Variants in PCDHA3 observed in about 807,000 individuals in gnomAD.
PCDHA3 encodes the protein protocadherin alpha-3.
A neutral mutation model predicts 62.2 loss-of-function variants in PCDHA3; 41 were observed. The ratio of observed to expected loss-of-function variants is 0.66; its 90% CI spans 0.51 to 0.86. The LOEUF (loss-of-function observed/expected upper bound fraction) is 0.86, where lower values mean the gene tolerates loss of function less well. Ranked by LOEUF, PCDHA3 falls within the 40% of genes least tolerant of loss-of-function variation. PCDHA3 has a pLI of 0.00. For synonymous variants in PCDHA3, 640 were observed against 555.4 expected, an observed-to-expected ratio of 1.15 and a Z score of -2.14; for missense variants, 1,304 against 1,241.2, an observed-to-expected ratio of 1.05 and a Z score of -0.76.
intron 1 of PCDHA3, among the ~76,000 whole-genome samples, chr5:140,935,749 A>G (rs1245640487): frequency 6.6e-6 from 1 of 152,172 alleles, no homozygotes; most frequent in African/African-American, 2.4e-5. Flanking sequence ...ATTCCATACA[A>G]TACACATTCT....
At chr5:140,961,446 T>G (rs1318543773) in intron 1 of PCDHA3, among the ~76,000 whole-genome samples, 1 of 152,238 alleles carries the variant, frequency 6.6e-6, no homozygotes. Flanking sequence ...CTAACTACAC[T>G]GTCTTGCAGC....
At chr5:140,967,291 C>T (rs782682819) in intron 1 of PCDHA3, 11 of 1,612,754 alleles carry the variant, frequency 6.8e-6, no homozygotes, top group South Asian at 1.1e-5. Context: ...CGCAGGACCC[C>T]GACGTGGGCG....
At chr5:140,832,058 T>C (rs1771820684) in intron 1 of PCDHA3, among the ~76,000 whole-genome samples, 1 of 152,234 alleles carries the variant, frequency 6.6e-6, no homozygotes, top group South Asian at 2.1e-4. Context: ...TAATTACCAA[T>C]TTAATCTGAG....
chr5:140,877,458 G>T lies in PCDHA3; in HGVS notation c.2394+73867G>T, dbSNP rs200155876. 8.2e-5 allele frequency: 133 copies of T among 1,613,696 alleles called. 1 individual carries two copies. The highest frequency in any genetic ancestry group is 2.5e-5 in the Non-Finnish European group (30 of 1,179,864). ...ACGGTGAGCCCGCGCTGACGTCCAC[G>T]GCCACGGTGCTGGTGTCGCTGGTGG... On this transcript the variant is annotated intron_variant, in intron 1 of 3. Transcript: ENST00000522353.
At chr5:140,991,422 T>G (rs140209692) in intron 3 of PCDHA3, among the ~76,000 whole-genome samples, 7 of 152,330 alleles carry the variant, frequency 4.6e-5, no homozygotes, top group Admixed American at 1.3e-4. Context: ...TATAACAAAT[T>G]AACCATAAAC....
intron 1 of PCDHA3, chr5:140,830,289 C>T (rs1554132712): frequency 1.2e-6 from 2 of 1,613,858 alleles, no homozygotes; most frequent in Non-Finnish European, 1.7e-6. Flanking sequence ...GGCGCGTGCA[C>T]GGCGGACAAG....
intron 1 of PCDHA3, among the ~76,000 whole-genome samples, chr5:140,926,033 G>A (rs1554203080): frequency 6.6e-6 from 1 of 152,070 alleles, no homozygotes; most frequent in Non-Finnish European, 1.5e-5. Flanking sequence ...AGTTTGATGC[G>A]GACACTATTC....
In PCDHA3 at chr5:140,982,560, C is replaced by T. The variant is rs782437404; in HGVS notation, c.2539C>T (p.Pro847Ser). 6.2e-7 allele frequency: 1 copy of T among 1,614,098 alleles called. No homozygotes were observed. Among genetic ancestry groups the T allele is most frequent in the Admixed American group, 1.7e-5 (1 of 60,022 alleles). ...GTGGCCAACAGTATCCAGTGCAACA[C>T]CAGGTAAAGAGCTGGGGTCTCTCCA... ...QQWPTVSSAT[P>S]EPEAGEVSPP... The change falls in exon 3 of 4, where the codon CCA (proline) becomes TCA (serine). Residue 847 changes from proline (P) to serine (S), a missense_variant. Coordinates refer to ENST00000522353, the MANE Select transcript of PCDHA3 (RefSeq NM_018906.3).
At chr5:140,854,341 G>A (rs1388413417) in intron 1 of PCDHA3, 1 of 189,830 alleles carries the variant, frequency 5.3e-6, no homozygotes, top group Non-Finnish European at 9.6e-6. Flanking sequence ...TTACGCTCCA[G>A]ATAGCTAAAA....
rs551685820 is a variant in PCDHA3, at chr5:140,967,997, C to G, written c.2395-10952C>G. On this transcript the variant is annotated intron_variant, in intron 1 of 3. Transcript: ENST00000522353. ...GGGTCTGGAGGCCACACTGCCTTTC[C>G]GACTGAATGGCTTTGGAAACTCCTA... is the stretch of plus-strand genomic sequence containing the variant. The G allele has an allele frequency of 4.3e-6, 7 of 1,614,220 alleles. No individual in the cohort carries two copies. In the African/African-American group the frequency reaches 6.7e-5, roughly 15 times the overall value.
At chr5:140,894,740 A>AT (rs1157881854) in intron 1 of PCDHA3, among the ~76,000 whole-genome samples, 7 of 151,086 alleles carry the variant, frequency 4.6e-5, no homozygotes, top group Middle Eastern at 3.4e-3. Flanking sequence ...AATTTGTGGA[A>AT]TTTTTTTTCT....
At chr5:140,805,006 C>T in intron 1 of PCDHA3, 1 of 1,539,008 alleles carries the variant, frequency 6.5e-7, no homozygotes, top group Non-Finnish European at 8.7e-7. Flanking sequence ...AAATTTAGTT[C>T]TGTTATCAGC....
chr5:140,985,739 C>CTTT (rs11372071), intron 3 of PCDHA3, among the ~76,000 whole-genome samples: 39 of 117,922 alleles, frequency 3.3e-4, no homozygotes, highest in Non-Finnish European at 4.1e-4. Context: ...TGATGAATTC[C>CTTT]TTTTTTTTTT....
intron 1 of PCDHA3, chr5:140,804,036 T>G (rs1554123025): frequency 5.5e-6 from 1 of 181,138 alleles, no homozygotes; most frequent in East Asian, 1.6e-4. Flanking sequence ...CACCTAATGC[T>G]TATAACTCCC....
In PCDHA3 at chr5:140,803,428, C is replaced by A. The variant is rs781912218; in HGVS notation, c.2231C>A (p.Ala744Glu). ...AAGCCCACGCTGGTGTGCTCCAGCG[C>A]GGTGGGGAGCTGGTCATACTCGCAG... ...PGKPTLVCSS[A>E]VGSWSYSQQR... Residue 744 changes from alanine to glutamate, a missense_variant, in exon 1 of 4, where the codon GCG becomes GAG. Transcript: ENST00000522353. 6.2e-7 allele frequency: 1 copy of A among 1,614,170 alleles called. No homozygotes were observed. The highest frequency in any genetic ancestry group is 8.5e-7 in the Non-Finnish European group (1 of 1,180,034).
chr5:140,831,811 G>A (rs1771711397), intron 1 of PCDHA3, among the ~76,000 whole-genome samples: 1 of 152,006 alleles, frequency 6.6e-6, no homozygotes, highest in African/African-American at 2.4e-5. Flanking sequence ...CTGTAAAGTT[G>A]GAATGATAAA....
Position 141,011,434 on chromosome 5 carries a change from C to T in PCDHA3, c.*1497C>T, listed in dbSNP as rs934032017. The T allele has an allele frequency of 6.5e-6, 1 of 153,726 alleles. No homozygotes were observed. Among genetic ancestry groups the T allele is most frequent in the Non-Finnish European group, 1.5e-5 (1 of 68,038 alleles). 9.5% of individuals were successfully genotyped at this position (153,726 alleles called of 1,614,324 possible). ...ATGTGAATGTTAATGCAACTATTAC[C>T]TAGAGTGAACTTTAAGCTTTATTGT... On this transcript the variant is annotated 3_prime_UTR_variant, in exon 4 of 4. Coordinates refer to ENST00000522353, the MANE Select transcript of PCDHA3 (RefSeq NM_018906.3).
At chr5:140,852,705 T>C in intron 1 of PCDHA3, 1 of 979,478 alleles carries the variant, frequency 1.0e-6, no homozygotes, top group Non-Finnish European at 1.2e-6. Context: ...TTCAAGTATC[T>C]TTGTCTTTGC....
At chr5:140,968,904 G>A (rs1554231223) in intron 1 of PCDHA3, 1 of 1,614,058 alleles carries the variant, frequency 6.2e-7, no homozygotes, top group Non-Finnish European at 8.5e-7. Flanking sequence ...ATAGCATTAA[G>A]CACAGTGTCT....
Sources: gnomAD v4.1 joint callset for allele counts (sites outside exome capture counted in the v4.1 genomes callset) on GRCh38, gnomAD v4.1.1 for gene constraint, MANE v1.5 for transcripts, NCBI Gene and HGNC (gene_info 2026-07-23, HGNC 2026-07-21) for gene names.